PLOD1: variants seen among roughly 807,000 people sequenced by gnomAD.
PLOD1 encodes the protein lysine hydroxylase.
A neutral mutation model predicts 94.7 loss-of-function variants in PLOD1; 70 were observed. That is an observed-to-expected ratio of 0.74 (90% CI 0.61 to 0.90). PLOD1 has a LOEUF of 0.90. Among genes scored for constraint, PLOD1 ranks in the 40% least tolerant of loss-of-function variants. The pLI, the probability that PLOD1 is intolerant of heterozygous loss-of-function variation, is 0.00. For synonymous variants in PLOD1, 417 were observed against 400.2 expected, an observed-to-expected ratio of 1.04 and a Z score of -0.50; for missense variants, 905 against 972.7, an observed-to-expected ratio of 0.93 and a Z score of 0.93.
At chr1:11,944,232 C>CAAA (rs553000557) in intron 1 of PLOD1, among the ~76,000 whole-genome samples, 7 of 140,484 alleles carry the variant, frequency 5.0e-5, no homozygotes, top group African/African-American at 1.8e-4. Flanking sequence ...GACTCTGTCT[C>CAAA]AAAAAAAAAA....
chr1:11,971,625 C>A, intron 17 of PLOD1: 1 of 152,706 alleles, frequency 6.5e-6, no homozygotes, highest in Non-Finnish European at 1.5e-5. Flanking sequence ...ACCTCTGCCT[C>A]CAAAAGTGCT....
rs1246948900 is a variant in PLOD1, at chr1:11,963,023, A to G, written c.1098-509A>G. On this transcript the variant is annotated intron_variant, in intron 10 of 18. Transcript: ENST00000196061. The surrounding 1 kb of genome is among the most constrained non-coding windows in gnomAD (Gnocchi z 4.3). Reference sequence around the variant, plus strand: ...GCCATTGCATTCCAGCCTGGGCAACAGAGTGAGACTCGTTCTCAAAAAAAT... The same window carrying G: ...GCCATTGCATTCCAGCCTGGGCAACGGAGTGAGACTCGTTCTCAAAAAAAT... 6.6e-6 allele frequency among the ~76,000 whole-genome samples: 1 copy of G among 152,104 alleles called. No homozygotes were observed. Among genetic ancestry groups the G allele is most frequent in the Non-Finnish European group, 1.5e-5 (1 of 68,022 alleles).
In PLOD1 at chr1:11,934,813, T is replaced by C; in HGVS notation, c.34T>C (p.Trp12Arg). Residue 12 changes from tryptophan to arginine, a missense_variant, in exon 1 of 19, where the codon TGG (tryptophan) becomes CGG (arginine). Coordinates refer to ENST00000196061, the MANE Select transcript of PLOD1 (RefSeq NM_000302.4). ...RPLLLLALLG[W>R]LLLAEAKGDA... ...CCTGCTGCTACTGGCCCTGCTGGGC[T>C]GGCTGCTGCTGGCCGAAGCGAAGGG... 6.5e-7 allele frequency: 1 copy of C among 1,540,880 alleles called. No homozygotes were observed. The highest frequency in any genetic ancestry group is 8.7e-7 in the Non-Finnish European group (1 of 1,145,992).
At chr1:11,940,663 A>T (rs1190852976) in intron 1 of PLOD1, among the ~76,000 whole-genome samples, 1 of 152,194 alleles carries the variant, frequency 6.6e-6, no homozygotes, top group Non-Finnish European at 1.5e-5. Flanking sequence ...CATCTGGGGA[A>T]GTCATTGCTG....
chr1:11,962,269 G>GTTTTTTTTT (rs1645783252), intron 10 of PLOD1, among the ~76,000 whole-genome samples: 1 of 104,560 alleles, frequency 9.6e-6, no homozygotes. Flanking sequence ...TTTGATTTTT[G>GTTTTTTTTT]TTTTCTTTTT....
In PLOD1 at chr1:11,943,390, G is replaced by A. The variant is rs570183818; in HGVS notation, c.77-4586G>A. Among the ~76,000 whole-genome samples, 5 of 151,008 alleles carry A rather than the reference G, an allele frequency of 3.3e-5. No homozygotes were observed. The South Asian group carries it at 6.3e-4, about 19-fold the overall frequency. On this transcript the variant is annotated intron_variant, in intron 1 of 18. Transcript: ENST00000196061. ...CTGCTCACTGCAGCCGCCACCTCCC[G>A]GGTTCAAGCGATTCTCTTGCCTGAG...
chr1:11,960,774 T>C lies in PLOD1; in HGVS notation c.1097+7T>C. The C allele has an allele frequency of 1.9e-6, 3 of 1,612,516 alleles. No homozygotes were observed. The highest frequency in any genetic ancestry group is 1.7e-5 in the Admixed American group (1 of 59,990). ...ATGCCAGGAACATGGGCGCGTGAGT[T>C]GTGGGCCACAGTACTCTCCACTGAC... On this transcript the variant is annotated splice_region_variant and intron_variant, in intron 10 of 18. Coordinates refer to ENST00000196061, the MANE Select transcript of PLOD1 (RefSeq NM_000302.4).
In PLOD1 at chr1:11,949,416, T is replaced by C. The variant is rs371277921; in HGVS notation, c.169-357T>C. ...TGCTGGACCCACAGGAGCAAAAAAA[T>C]TATTTCTTTTTCTCTTTTTTTGAGA... is the stretch of plus-strand genomic sequence containing the variant. On this transcript the variant is annotated intron_variant, in intron 2 of 18. Coordinates refer to ENST00000196061, the MANE Select transcript of PLOD1 (RefSeq NM_000302.4). Among the ~76,000 whole-genome samples, 6 of 151,984 alleles carry C rather than the reference T, an allele frequency of 3.9e-5. No individual in the cohort carries two copies. In the East Asian group the frequency reaches 5.8e-4, roughly 15 times the overall value.
rs148997434 is a variant in PLOD1 at position 11,948,002 on chromosome 1, A to G, written c.103A>G (p.Thr35Ala). 27 of 1,613,472 alleles carry G rather than the reference A, an allele frequency of 1.7e-5. No homozygotes were observed. Among genetic ancestry groups the G allele is most frequent in the South Asian group, 3.3e-5 (3 of 91,074 alleles). Reference protein sequence around the residue: ...EDNLLVLTVATKETEGFRRFK... With the variant: ...EDNLLVLTVAAKETEGFRRFK... ...CAACCTTTTAGTCCTCACGGTGGCC[A>G]CTAAGGAGACCGAGGGATTCCGTCG... Residue 35 changes from threonine (T) to alanine (A), a missense_variant, in exon 2 of 19, where the codon ACT (threonine) becomes GCT (alanine). Coordinates refer to ENST00000196061, the MANE Select transcript of PLOD1 (RefSeq NM_000302.4).
chr1:11,958,739 A>T lies in PLOD1; in HGVS notation c.975+92A>T. The T allele has an allele frequency of 2.1e-6, 3 of 1,460,216 alleles. No homozygotes were observed. The highest frequency in any genetic ancestry group is 2.8e-6 in the Non-Finnish European group (3 of 1,054,216). The allele number at this position is 1,460,216 out of a possible 1,614,324, so 90.5% of individuals were successfully genotyped here. On this transcript the variant is annotated intron_variant, in intron 9 of 18. Coordinates refer to ENST00000196061, the MANE Select transcript of PLOD1 (RefSeq NM_000302.4). The surrounding 1 kb of genome is among the most constrained non-coding windows in gnomAD (Gnocchi z 4.3). Reference sequence around the variant, plus strand: ...CCCGAGACCTCTGAGGGTCTCACCGAATCTAGCTTATCTGGGCCAAATGAC... The same window carrying T: ...CCCGAGACCTCTGAGGGTCTCACCGTATCTAGCTTATCTGGGCCAAATGAC...
At chr1:11,953,728 G>A (rs1355418658) in intron 5 of PLOD1, among the ~76,000 whole-genome samples, 1 of 151,492 alleles carries the variant, frequency 6.6e-6, no homozygotes, top group African/African-American at 2.4e-5. Flanking sequence ...GGAGGCGGAG[G>A]TTGCAGTGAG....
chr1:11,936,774 C>T (rs1238841888), intron 1 of PLOD1, among the ~76,000 whole-genome samples: 3 of 151,898 alleles, frequency 2.0e-5, no homozygotes, highest in Admixed American at 6.6e-5. Flanking sequence ...CCTCCTGCCT[C>T]GGCCTCCCAA....
At position 11,952,747 on chromosome 1, in the gene PLOD1, T is replaced by C; in HGVS notation, c.579+12T>C. On this transcript the variant is annotated intron_variant, in intron 5 of 18. Transcript: ENST00000196061. ...ACCCGGAGAAGAGGGTAAGAGGCAG[T>C]GGGCGGGCCAAGGAGAGGGGGCTGG... The C allele has an allele frequency of 6.3e-7, 1 of 1,588,152 alleles. No individual in the cohort carries two copies. The highest frequency in any genetic ancestry group is 1.7e-5 in the Admixed American group (1 of 59,958).
At chr1:11,935,496 T>A (rs1016933389) in intron 1 of PLOD1, among the ~76,000 whole-genome samples, 4 of 152,212 alleles carry the variant, frequency 2.6e-5, no homozygotes, top group Non-Finnish European at 4.4e-5. Context: ...TTATTTTTTT[T>A]ATTTTACTTA....
At chr1:11,970,396 G>A (rs897565309) in intron 16 of PLOD1, among the ~76,000 whole-genome samples, 1 of 152,216 alleles carries the variant, frequency 6.6e-6, no homozygotes, top group African/African-American at 2.4e-5. Context: ...TTGCGCCACT[G>A]CGCTCTTACC....
intron 5 of PLOD1, chr1:11,954,192 AGGTGC>A: frequency 8.0e-6 from 1 of 124,318 alleles, no homozygotes; most frequent in Non-Finnish European, 1.7e-5. Context: ...AGTAGCGGCC[AGGTGC>A]GGTGGCTCAC....
chr1:11,952,532 G>C (rs1645710165), intron 4 of PLOD1, 91 bp from the exon 5 acceptor site: 1 of 883,012 alleles, frequency 1.1e-6, no homozygotes, highest in African/African-American at 1.6e-5. Context: ...TATGAGTGGA[G>C]GTGGATAAGA....
rs1026914936 is a variant in PLOD1, at chr1:11,970,786, G to A, written c.1872G>A (p.Thr624=). ...TGCTGGAGTACATTGCGCCCATGAC[G>A]GAGAAGCTCTACCCCGGCTACTACA... The part of the protein sequence containing the change: ...KFLLEYIAPM[T]EKLYPGYYTR... Residue 624 remains threonine, a synonymous_variant, in exon 17 of 19, where the codon ACG becomes ACA. Coordinates refer to ENST00000196061, the MANE Select transcript of PLOD1 (RefSeq NM_000302.4). 46 of 1,609,674 alleles carry A rather than the reference G, an allele frequency of 2.9e-5. No individual in the cohort carries two copies. Among genetic ancestry groups the A allele is most frequent in the Non-Finnish European group, 3.6e-5 (42 of 1,179,312 alleles).
intron 1 of PLOD1, among the ~76,000 whole-genome samples, chr1:11,939,262 C>A (rs1338550695): frequency 6.6e-6 from 1 of 151,748 alleles, no homozygotes; most frequent in Non-Finnish European, 1.5e-5. Context: ...CAGCTGGCCC[C>A]GGGGAGGCTA....
Sources: allele counts gnomAD v4.1 joint callset (sites outside exome capture counted in the v4.1 genomes callset), GRCh38; gene constraint gnomAD v4.1.1; non-coding constraint Gnocchi (gnomAD v3.1); transcripts MANE v1.5; gene names NCBI Gene and HGNC (gene_info 2026-07-23, HGNC 2026-07-21).